Variants in NFIB observed in about 807,000 individuals in gnomAD.
NFIB encodes nuclear factor 1 B-type.
NFIB carries 11 observed loss-of-function variants against 61.5 expected under a neutral mutation model. That is an observed-to-expected ratio of 0.18 (90% CI 0.11 to 0.30). NFIB has a LOEUF of 0.30. NFIB is among the 10% of genes least tolerant of loss of function. The probability of loss-of-function intolerance (pLI) is 1.00; values close to 1 mark genes in which losing one functional copy is unlikely to be tolerated. For missense variants in NFIB, 471 were observed against 608.9 expected (o/e 0.77, Z 2.38); for synonymous variants, 260 against 216.5 (o/e 1.20, Z -1.76).
intron 10 of NFIB, among the ~76,000 whole-genome samples, chr9:14,109,509 C>T (rs749386308): frequency 3.3e-5 from 5 of 152,036 alleles, no homozygotes; most frequent in Non-Finnish European, 5.9e-5. Context: ...CCCATGAGTT[C>T]TTCAAGCCAC....
the NFIB span, among the ~76,000 whole-genome samples, chr9:14,523,883 A>C: frequency 9.7e-3 from 1,480 of 152,126 alleles, 32 homozygotes; most frequent in African/African-American, 0.034. Context: ...CCTTCTTCTT[A>C]CTCTTACCTT....
the NFIB span, among the ~76,000 whole-genome samples, chr9:14,494,688 C>T: frequency 6.6e-6 from 1 of 152,216 alleles, no homozygotes; most frequent in Non-Finnish European, 1.5e-5. Context: ...TCCTTCCTAC[C>T]CAGTGATTTT....
At chr9:14,110,713 C>T (rs1215139691) in intron 10 of NFIB, among the ~76,000 whole-genome samples, 4 of 152,148 alleles carry the variant, frequency 2.6e-5, no homozygotes, top group African/African-American at 9.6e-5. Context: ...GGATAGTAAA[C>T]ATAAAACTTC....
chr9:14,241,343 T>C (rs2054324299), intron 2 of NFIB, among the ~76,000 whole-genome samples: 1 of 152,144 alleles, frequency 6.6e-6, no homozygotes, highest in Non-Finnish European at 1.5e-5. Flanking sequence ...GTGGCATTTA[T>C]AACTAAAAAA....
chr9:14,383,220 T>C (rs1266217793), intron 1 of NFIB, among the ~76,000 whole-genome samples: 1 of 152,234 alleles, frequency 6.6e-6, no homozygotes, highest in Non-Finnish European at 1.5e-5. Flanking sequence ...AACTGCTTAG[T>C]TAGTCTGTTT....
At chr9:14,287,208 G>A (rs1328977795) in intron 2 of NFIB, among the ~76,000 whole-genome samples, 1 of 151,022 alleles carries the variant, frequency 6.6e-6, no homozygotes, top group Non-Finnish European at 1.5e-5. Flanking sequence ...GAGGCGGGCG[G>A]ATCACGAGGT....
chr9:14,385,418 G>T (rs184084451), intron 1 of NFIB, among the ~76,000 whole-genome samples: 14 of 152,272 alleles, frequency 9.2e-5, no homozygotes, highest in African/African-American at 2.6e-4. Context: ...AGAGGGGGTT[G>T]GGAGGCCTTT....
chr9:14,269,792 C>T (rs2057469998), intron 2 of NFIB, among the ~76,000 whole-genome samples: 2 of 152,032 alleles, frequency 1.3e-5, no homozygotes, highest in African/African-American at 4.8e-5. Flanking sequence ...AGGAGATTAG[C>T]TTCAATCTTA....
the NFIB span, among the ~76,000 whole-genome samples, chr9:14,486,552 TA>T: frequency 6.6e-6 from 1 of 152,194 alleles, no homozygotes; most frequent in South Asian, 2.1e-4. Context: ...TAATGACTGG[TA>T]GGGGGAAGAG....
At chr9:14,231,913 C>G (rs1465807398) in intron 2 of NFIB, among the ~76,000 whole-genome samples, 1 of 152,152 alleles carries the variant, frequency 6.6e-6, no homozygotes, top group African/African-American at 2.4e-5. Context: ...CATTTTTCCC[C>G]TTCTTCACAA....
At chr9:14,416,674 A>G in the NFIB span, among the ~76,000 whole-genome samples, 1 of 152,206 alleles carries the variant, frequency 6.6e-6, no homozygotes, top group African/African-American at 2.4e-5. Flanking sequence ...AAAATGTTAC[A>G]AGTAAGCTAA....
chr9:14,223,803 A>G (rs2052014506), intron 2 of NFIB, among the ~76,000 whole-genome samples: 1 of 152,172 alleles, frequency 6.6e-6, no homozygotes, highest in Non-Finnish European at 1.5e-5. Flanking sequence ...AAATGGAAAT[A>G]CCTGTGATTG....
chr9:14,452,410 T>C, the NFIB span, among the ~76,000 whole-genome samples: 2 of 61,854 alleles, frequency 3.2e-5, no homozygotes, highest in Non-Finnish European at 2.9e-5. Flanking sequence ...CAGAGGGAGA[T>C]GGAAGGAAGG....
chr9:14,315,213 G>C (rs950709601), upstream of NFIB, among the ~76,000 whole-genome samples: 1 of 151,614 alleles, frequency 6.6e-6, no homozygotes, highest in African/African-American at 2.4e-5. Flanking sequence ...ATAGGGAGGG[G>C]GTGCGGGTTC....
chr9:14,427,943 T>TTTTTTTTTGTTTG, the NFIB span, among the ~76,000 whole-genome samples: 10 of 76,410 alleles, frequency 1.3e-4, no homozygotes, highest in Admixed American at 2.5e-4. Context: ...AGTTGTTTTT[T>TTTTTTTTTGTTTG]TTTTTTTTTT....
intron 6 of NFIB, among the ~76,000 whole-genome samples, chr9:14,128,261 T>G (rs1420768128): frequency 1.3e-5 from 2 of 152,168 alleles, no homozygotes; most frequent in East Asian, 3.8e-4. Context: ...AATTAACTGT[T>G]TGAAAAAGAA....
the NFIB span, among the ~76,000 whole-genome samples, chr9:14,443,665 G>A: frequency 2.2e-4 from 34 of 152,140 alleles, no homozygotes; most frequent in Non-Finnish European, 8.8e-5. Flanking sequence ...TTTAATCCAG[G>A]CATTTGGCAT....
chr9:14,389,773 T>C (rs1162334577), intron 1 of NFIB, among the ~76,000 whole-genome samples: 1 of 152,160 alleles, frequency 6.6e-6, no homozygotes, highest in East Asian at 1.9e-4. Context: ...TTTATTATCC[T>C]TCCCAACTTC....
chr9:14,198,450 C>T (rs556361052), intron 2 of NFIB, among the ~76,000 whole-genome samples: 2 of 151,870 alleles, frequency 1.3e-5, no homozygotes, highest in South Asian at 4.2e-4. Flanking sequence ...TGGAGATCTG[C>T]ATATAATCTA....
Sources: gnomAD v4.1 joint callset for allele counts (sites outside exome capture counted in the v4.1 genomes callset) on GRCh38, gnomAD v4.1.1 for gene constraint, MANE v1.5 for transcripts, NCBI Gene and HGNC (gene_info 2026-07-23, HGNC 2026-07-21) for gene names.